The following DRAM1 variants were observed in gnomAD, a reference collection of about 807,000 sequenced individuals.
DRAM1 encodes DNA damage-regulated autophagy modulator protein 1.
In DRAM1, 25 loss-of-function variants were observed where a neutral mutation model predicts 28.5. That is an observed-to-expected ratio of 0.88 (90% CI 0.64 to 1.23). The LOEUF (loss-of-function observed/expected upper bound fraction) is 1.23. Among genes scored for constraint, DRAM1 ranks in the 50% most tolerant of loss-of-function variants. DRAM1 has a pLI of 0.00. For missense variants in DRAM1, 249 were observed against 299.2 expected, an observed-to-expected ratio of 0.83 and a Z score of 1.24; for synonymous variants, 113 against 114.2, an observed-to-expected ratio of 0.99 and a Z score of 0.07.
rs145515313 is a variant in DRAM1 at position 101,922,529 on chromosome 12, GCTC to G, written c.*1273_*1275del. Reference sequence around the variant, plus strand: ...ATGGGGGTGTAGGGAGTTCGGGGTAGCTCCTCATTAACTATTTGTTGGGTGAGT... The same window carrying G: ...ATGGGGGTGTAGGGAGTTCGGGGTAGCTCATTAACTATTTGTTGGGTGAGT... On this transcript the variant is annotated 3_prime_UTR_variant, in exon 7 of 7. Transcript: ENST00000258534. 0.11 allele frequency: 16,808 copies of G among 152,194 alleles called. 1,295 individuals carry two copies. Among genetic ancestry groups the G allele is most frequent in the African/African-American group, 0.22 (9,093 of 41,474 alleles). The allele number at this position is 152,194 out of a possible 1,614,324, so 9.4% of individuals were successfully genotyped here.
In DRAM1 at chr12:101,890,314, A is replaced by G. The variant is rs1395189722; in HGVS notation, c.132-7549A>G. 1.9e-5 allele frequency: 5 copies of G among 262,574 alleles called. No individual in the cohort carries two copies. In the Admixed American group the frequency reaches 2.6e-4, roughly 14 times the overall value. 16.3% of individuals were successfully genotyped at this position (262,574 alleles called of 1,614,324 possible). On this transcript the variant is annotated intron_variant, in intron 1 of 6. Coordinates refer to ENST00000258534, the MANE Select transcript of DRAM1 (RefSeq NM_018370.3). ...AGGCTGCTATCAAACTCCTGACCTC[A>G]GGTGATCTGCCTGCCTTGGCCTCCC...
chr12:101,892,029 G>T (rs1873146340), intron 1 of DRAM1, among the ~76,000 whole-genome samples: 1 of 152,076 alleles, frequency 6.6e-6, no homozygotes. Context: ...TACCCACAGG[G>T]TCTCTTGGTT....
intron 3 of DRAM1, among the ~76,000 whole-genome samples, chr12:101,907,034 T>C (rs1873841618): frequency 6.7e-6 from 1 of 148,952 alleles, no homozygotes; most frequent in African/African-American, 2.4e-5. Context: ...GTTTAGAAGC[T>C]GCCTTTCAAA....
intron 1 of DRAM1, among the ~76,000 whole-genome samples, chr12:101,897,099 C>G (rs1047658318): frequency 1.3e-4 from 20 of 151,278 alleles, no homozygotes; most frequent in Admixed American, 4.0e-4. Context: ...AGATTTTTAT[C>G]ATAATATTTT....
intron 1 of DRAM1, among the ~76,000 whole-genome samples, chr12:101,878,797 T>C (rs926139054): frequency 6.6e-5 from 10 of 152,110 alleles, no homozygotes; most frequent in African/African-American, 2.2e-4. Context: ...GATGATAAGG[T>C]TGGTGACACC....
intron 1 of DRAM1, among the ~76,000 whole-genome samples, chr12:101,895,196 T>G (rs925082127): frequency 6.3e-5 from 8 of 127,780 alleles, no homozygotes; most frequent in African/African-American, 1.1e-4. Flanking sequence ...GTTTTTTTTT[T>G]TTTTTTTTTT....
At chr12:101,880,830 A>G (rs1872664045) in intron 1 of DRAM1, among the ~76,000 whole-genome samples, 1 of 152,192 alleles carries the variant, frequency 6.6e-6, no homozygotes, top group Admixed American at 6.6e-5. Flanking sequence ...CACAGACCCT[A>G]CAAGGAAGGG....
chr12:101,893,151 C>T (rs1873202554), intron 1 of DRAM1, among the ~76,000 whole-genome samples: 1 of 152,182 alleles, frequency 6.6e-6, no homozygotes. Context: ...TAGTTTACAT[C>T]TTTCTGGTCT....
chr12:101,908,070 A>T, intron 3 of DRAM1, 116 bp from the exon 4 acceptor site: 1 of 838,576 alleles, frequency 1.2e-6, no homozygotes, highest in Non-Finnish European at 1.8e-6. Context: ...CACATTTTCC[A>T]AGAAGTGGTG....
chr12:101,904,599 G>A (rs1205034606), intron 3 of DRAM1, among the ~76,000 whole-genome samples: 1 of 151,340 alleles, frequency 6.6e-6, no homozygotes, highest in Non-Finnish European at 1.5e-5. Flanking sequence ...CCGCCACCAC[G>A]CCCGGCTAAT....
intron 3 of DRAM1, among the ~76,000 whole-genome samples, chr12:101,906,854 CAAAAA>C (rs751751554): frequency 3.0e-5 from 2 of 67,482 alleles, no homozygotes; most frequent in South Asian, 6.0e-4. Flanking sequence ...GACTCTGCCT[CAAAAA>C]AAAAAAAAAA....
rs190518927 is a variant in DRAM1, at chr12:101,918,548, C to T, written c.580-1561C>T. 1.9e-4 allele frequency among the ~76,000 whole-genome samples: 29 copies of T among 152,286 alleles called. No homozygotes were observed. In the East Asian group the frequency reaches 4.4e-3, roughly 23 times the overall value. On this transcript the variant is annotated intron_variant, in intron 5 of 6. Coordinates refer to ENST00000258534, the MANE Select transcript of DRAM1 (RefSeq NM_018370.3). The stretch of plus-strand genomic sequence containing the variant: ...GACAAGGAGAGTGAAGAGTGACGCT[C>T]GGAGGGCTTGGTGTGCCTCCACTCG...
At chr12:101,881,998 G>A (rs1872701388) in intron 1 of DRAM1, among the ~76,000 whole-genome samples, 1 of 152,046 alleles carries the variant, frequency 6.6e-6, no homozygotes, top group South Asian at 2.1e-4. Context: ...GATCCCTTAA[G>A]GAAAAGCTTG....
intron 3 of DRAM1, among the ~76,000 whole-genome samples, chr12:101,902,790 A>G (rs1873653619): frequency 1.3e-5 from 2 of 152,292 alleles, no homozygotes; most frequent in South Asian, 2.1e-4. Context: ...TGTTCCGATA[A>G]CTGTATCTTT....
intron 1 of DRAM1, among the ~76,000 whole-genome samples, chr12:101,891,136 A>G (rs1358858273): frequency 2.6e-5 from 4 of 152,214 alleles, no homozygotes; most frequent in African/African-American, 7.2e-5. Flanking sequence ...AAAATGTAGT[A>G]TGACTTTTTA....
chr12:101,906,088 C>T (rs1270425802), intron 3 of DRAM1, among the ~76,000 whole-genome samples: 1 of 151,966 alleles, frequency 6.6e-6, no homozygotes, highest in Non-Finnish European at 1.5e-5. Context: ...GTACCTGGCC[C>T]ATGCAAGGTA....
intron 2 of DRAM1, among the ~76,000 whole-genome samples, chr12:101,898,993 G>A (rs971579766): frequency 6.6e-6 from 1 of 152,134 alleles, no homozygotes; most frequent in Non-Finnish European, 1.5e-5. Flanking sequence ...TTTTCTCTTA[G>A]TCCTTCTATA....
chr12:101,906,042 C>G (rs568371995), intron 3 of DRAM1, among the ~76,000 whole-genome samples: 2 of 152,256 alleles, frequency 1.3e-5, no homozygotes, highest in African/African-American at 4.8e-5. Context: ...CCTGCCTCAG[C>G]CTCCCAAAGT....
chr12:101,920,907 A>G (rs4764849), intron 6 of DRAM1, among the ~76,000 whole-genome samples: 16,846 of 152,200 alleles, frequency 0.11, 1,305 homozygotes, highest in African/African-American at 0.22. Context: ...GCGAGACTCT[A>G]TCTCAAAATA....
Sources: gnomAD v4.1 joint callset for allele counts (sites outside exome capture counted in the v4.1 genomes callset) on GRCh38, gnomAD v4.1.1 for gene constraint, MANE v1.5 for transcripts, NCBI Gene and HGNC (gene_info 2026-07-23, HGNC 2026-07-21) for gene names.